The following CARF variants were observed in gnomAD, a reference collection of about 807,000 sequenced individuals.
CARF encodes the protein calcium responsive transcription factor.
Under a neutral mutation model 82.0 loss-of-function variants are expected in CARF, and 57 were observed. The observed-to-expected ratio is 0.70, with a 90% confidence interval of 0.56 to 0.87. The LOEUF is 0.87. CARF is among the 40% of genes least tolerant of loss of function. CARF has a pLI of 0.00. For synonymous variants in CARF, 268 were observed against 290.1 expected (o/e 0.92, Z 0.77); for missense variants, 771 against 855.8 (o/e 0.90, Z 1.24).
intron 10 of CARF, 62 bp downstream of exon 10, chr2:202,967,160 C>T (rs2059589962): frequency 6.5e-7 from 1 of 1,541,640 alleles, no homozygotes; most frequent in Non-Finnish European, 8.8e-7. Flanking sequence ...AGCTAATACA[C>T]ATATTTTTAT....
intron 6 of CARF, 29 bp downstream of exon 6, chr2:202,952,708 G>C (rs756342069): frequency 1.9e-6 from 3 of 1,579,304 alleles, no homozygotes; most frequent in Non-Finnish European, 2.6e-6. Context: ...TAGGGGATTT[G>C]AGAGTGTTTT....
At chr2:202,919,904 A>G (rs1303958912) in intron 2 of CARF, among the ~76,000 whole-genome samples, 1 of 151,846 alleles carries the variant, frequency 6.6e-6, no homozygotes, top group East Asian at 2.0e-4. Context: ...GAATCACAGC[A>G]TTGTCAAAAG....
intron 9 of CARF, chr2:202,963,168 A>G (rs1231519853): frequency 6.6e-6 from 1 of 152,290 alleles, no homozygotes; most frequent in African/African-American, 2.4e-5. Flanking sequence ...AATACAAAAA[A>G]TTAGCCGGGC....
intron 7 of CARF, among the ~76,000 whole-genome samples, chr2:202,955,086 C>T (rs1321362902): frequency 6.6e-6 from 1 of 150,984 alleles, no homozygotes; most frequent in Non-Finnish European, 1.5e-5. Flanking sequence ...GCATAGAATT[C>T]CTCTGTGGCA....
In CARF at chr2:202,987,643, G is replaced by A. The variant is rs898999007; in HGVS notation, c.*4019G>A. Among the ~76,000 whole-genome samples the A allele has an allele frequency of 2.2e-4, 34 of 151,994 alleles. No individual in the cohort carries two copies. Among genetic ancestry groups the A allele is most frequent in the Non-Finnish European group, 5.9e-5 (4 of 67,996 alleles). Reference sequence around the variant, plus strand: ...GCTGACTGAATTCTTAAAACTTTGGGAATAGAAAAAACACATTTATTAATG... The same window carrying A: ...GCTGACTGAATTCTTAAAACTTTGGAAATAGAAAAAACACATTTATTAATG... On this transcript the variant is annotated 3_prime_UTR_variant, in exon 17 of 17. Transcript: ENST00000438828.
intron 3 of CARF, chr2:202,925,064 G>T: frequency 2.4e-6 from 1 of 418,210 alleles, no homozygotes; most frequent in Non-Finnish European, 4.7e-6. Context: ...ATGTTTGAGA[G>T]CTACATCAAC....
In CARF at chr2:202,987,939, C is replaced by T. The variant is rs2105964297; in HGVS notation, c.*4315C>T. ...AGGTAATGAACATATTCATCACTCTCAAAGTTTCATAGTACCTCTTTGTGA... is the reference window on the plus strand; with the variant it reads ...AGGTAATGAACATATTCATCACTCTTAAAGTTTCATAGTACCTCTTTGTGA... On this transcript the variant is annotated 3_prime_UTR_variant, in exon 17 of 17. Coordinates refer to ENST00000438828, the MANE Select transcript of CARF (RefSeq NM_024744.17). Among the ~76,000 whole-genome samples the T allele has an allele frequency of 6.6e-6, 1 of 152,282 alleles. No individual in the cohort carries two copies. The highest frequency in any genetic ancestry group is 2.1e-4 in the South Asian group (1 of 4,830).
intron 10 of CARF, among the ~76,000 whole-genome samples, chr2:202,968,395 C>T (rs911633211): frequency 6.6e-6 from 1 of 152,090 alleles, no homozygotes; most frequent in Non-Finnish European, 1.5e-5. Flanking sequence ...GAGCAAGACT[C>T]TGTCTCAAAA....
chr2:202,957,677 G>A (rs879823371), intron 8 of CARF, among the ~76,000 whole-genome samples: 5 of 151,914 alleles, frequency 3.3e-5, no homozygotes, highest in African/African-American at 4.8e-5. Flanking sequence ...AGCTTAGGCC[G>A]GGTGCGGTGG....
intron 5 of CARF, among the ~76,000 whole-genome samples, chr2:202,943,419 A>C (rs895439712): frequency 6.6e-6 from 1 of 152,114 alleles, no homozygotes; most frequent in Non-Finnish European, 1.5e-5. Context: ...TTTTTATGTA[A>C]GGATTTTAAA....
intron 5 of CARF, 143 bp downstream of exon 5, chr2:202,943,110 T>C: frequency 1.4e-6 from 1 of 693,322 alleles, no homozygotes; most frequent in Non-Finnish European, 2.3e-6. Context: ...CCACTCTTGT[T>C]GCCCAGGCTG....
At chr2:202,919,191 A>T (rs964941617) in intron 2 of CARF, among the ~76,000 whole-genome samples, 7 of 152,116 alleles carry the variant, frequency 4.6e-5, no homozygotes, top group Non-Finnish European at 1.0e-4. Flanking sequence ...AGCTCTTTTT[A>T]ACTCGTTTTA....
chr2:202,982,104 T>C lies in CARF; in HGVS notation c.1722T>C (p.Pro574=). ...GLQLQPRYTS[P]DESPAVVSVN... The stretch of plus-strand genomic sequence containing the variant: ...AGTTACAACCAAGGTACACCTCTCC[T>C]GATGAATCACCAGCTGTGGTATCAG... Residue 574 remains proline (P), a synonymous_variant, in exon 16 of 17, where the codon CCT becomes CCC. Coordinates refer to ENST00000438828, the MANE Select transcript of CARF (RefSeq NM_024744.17). The C allele has an allele frequency of 6.2e-7, 1 of 1,614,096 alleles. No homozygotes were observed. Among genetic ancestry groups the C allele is most frequent in the Non-Finnish European group, 8.5e-7 (1 of 1,179,962 alleles).
At chr2:202,916,949 G>C (rs1362523208) in intron 1 of CARF, among the ~76,000 whole-genome samples, 1 of 152,016 alleles carries the variant, frequency 6.6e-6, no homozygotes, top group South Asian at 2.1e-4. Context: ...GGTGGCTCAC[G>C]CCTGTAATCC....
intron 2 of CARF, among the ~76,000 whole-genome samples, chr2:202,918,662 T>A (rs933684779): frequency 2.0e-5 from 3 of 152,224 alleles, no homozygotes; most frequent in African/African-American, 7.2e-5. Context: ...TAAGTCACTT[T>A]GCAGTTGTCA....
At chr2:202,932,140 C>T (rs1390470263) in intron 3 of CARF, among the ~76,000 whole-genome samples, 2 of 152,074 alleles carry the variant, frequency 1.3e-5, no homozygotes, top group African/African-American at 2.4e-5. Context: ...CTCACTATCT[C>T]AAGGAGAGCT....
rs1424107389 is a variant in CARF, at chr2:202,917,986, T to C, written c.-220T>C. On this transcript the variant is annotated 5_prime_UTR_variant, in exon 2 of 17. Transcript: ENST00000438828. ...AACTTCAGTGGACAAGAAAGGACAT[T>C]TCTGGGGGTAGTAGAATGCTTGAGG... 6.8e-6 allele frequency: 3 copies of C among 443,636 alleles called. No homozygotes were observed. The highest frequency in any genetic ancestry group is 4.9e-5 in the South Asian group (3 of 61,016). The allele number at this position is 443,636 out of a possible 1,614,324, so 27.5% of individuals were successfully genotyped here.
chr2:202,947,611 T>G (rs2058561578), intron 5 of CARF, among the ~76,000 whole-genome samples: 1 of 152,276 alleles, frequency 6.6e-6, no homozygotes, highest in South Asian at 2.1e-4. Context: ...AACTTGCACG[T>G]TCAGCATATG....
intron 2 of CARF, among the ~76,000 whole-genome samples, chr2:202,923,881 C>T (rs1691309738): frequency 6.6e-6 from 1 of 152,230 alleles, no homozygotes; most frequent in Admixed American, 6.5e-5. Context: ...GGTGAAATGA[C>T]ACCCTATTCA....
Sources: gnomAD v4.1 joint callset for allele counts (sites outside exome capture counted in the v4.1 genomes callset) on GRCh38, gnomAD v4.1.1 for gene constraint, MANE v1.5 for transcripts, NCBI Gene and HGNC (gene_info 2026-07-23, HGNC 2026-07-21) for gene names.